Variants in CSAG3 observed in about 807,000 individuals in gnomAD.
CSAG3 encodes the protein chondrosarcoma-associated gene 2/3 protein.
For missense variants in CSAG3, 15 were observed against 93.0 expected (o/e 0.16, Z 3.45); for synonymous variants, 4 against 34.0 (o/e 0.12, Z 3.07).
upstream of CSAG3, chrX:152,758,829 T>TTCTCTCTCTCTCTC (rs1170908672): frequency 1.4e-4 from 7 of 50,646 alleles, no homozygotes; most frequent in Non-Finnish European, 1.8e-4. Context: ...CTCTCTCTCT[T>TTCTCTCTCTCTCTC]TCTCTCTCTC....
upstream of CSAG3, among the ~76,000 whole-genome samples, chrX:152,757,621 ATATG>A (rs1411778879): frequency 3.1e-3 from 138 of 44,848 alleles, 6 homozygotes; most frequent in African/African-American, 0.012. Flanking sequence ...ATATATATAT[ATATG>A]TATATATATA....
At chrX:152,758,684 T>C (rs1393873006), upstream of CSAG3, among the ~76,000 whole-genome samples, 66 of 43,203 alleles carry the variant, frequency 1.5e-3, no homozygotes, top group African/African-American at 5.5e-3. Context: ...GAGATGAGGC[T>C]TCTAGGGAAG....
chrX:152,758,970 C>G (rs1932613968), upstream of CSAG3: 1 of 123,050 alleles, frequency 8.1e-6, no homozygotes, highest in Non-Finnish European at 1.5e-5. Context: ...AAGGCCATCA[C>G]CAGAAGCCAA....
upstream of CSAG3, chrX:152,758,828 T>TG: frequency 1.8e-5 from 1 of 54,130 alleles, no homozygotes; most frequent in Non-Finnish European, 3.4e-5. Flanking sequence ...TCTCTCTCTC[T>TG]TTCTCTCTCT....
upstream of CSAG3, chrX:152,758,829 T>C (rs1231809056): frequency 0.042 from 2,083 of 49,639 alleles, 25 homozygotes; most frequent in African/African-American, 0.077. Flanking sequence ...CTCTCTCTCT[T>C]TCTCTCTCTC....
upstream of CSAG3, chrX:152,758,829 TTCTCTCTCTCTCTC>T (rs1170908672): frequency 0.016 from 796 of 50,624 alleles, 11 homozygotes; most frequent in African/African-American, 0.051. Context: ...CTCTCTCTCT[TTCTCTCTCTCTCTC>T]TCTCTCTCTC....
chrX:152,758,855 C>T (rs1932608556), upstream of CSAG3: 23 of 93,538 alleles, frequency 2.5e-4, no homozygotes, highest in African/African-American at 8.3e-4. Flanking sequence ...CTCTCTCTCT[C>T]TCTCTCTCTC....
upstream of CSAG3, among the ~76,000 whole-genome samples, chrX:152,757,606 TA>T (rs1932585991): frequency 6.4e-4 from 26 of 40,486 alleles, 4 homozygotes; most frequent in African/African-American, 3.4e-3. Flanking sequence ...AATGTCTGGT[TA>T]TATATATATA....
chrX:152,758,873 CTCTT>C (rs1344182451), upstream of CSAG3: 23 of 79,290 alleles, frequency 2.9e-4, no homozygotes, highest in African/African-American at 1.1e-3. Flanking sequence ...CTCTCTCTCT[CTCTT>C]TCTTTCTCTC....
upstream of CSAG3, among the ~76,000 whole-genome samples, chrX:152,758,666 T>A (rs1299667501): frequency 1.2e-4 from 5 of 41,932 alleles, no homozygotes; most frequent in African/African-American, 4.6e-4. Flanking sequence ...CCAGGGTGTC[T>A]GTATTTGGAG....
chrX:152,759,121 A>G (rs1932617105), upstream of CSAG3: 1 of 262,253 alleles, frequency 3.8e-6, no homozygotes, highest in Admixed American at 5.6e-5. Flanking sequence ...AGGTGACACA[A>G]TTTTTTTTTT....
exon 2 of CSAG3, chrX:152,759,881 A>C: frequency 4.1e-6 from 5 of 1,205,472 alleles, no homozygotes; most frequent in Non-Finnish European, 5.6e-6. Flanking sequence ...GGACCCATCA[A>C]GGAAGTTCCA....
chrX:152,755,526 C>G (rs1474039701), upstream of CSAG3, among the ~76,000 whole-genome samples: 1 of 113,587 alleles, frequency 8.8e-6, no homozygotes, highest in Middle Eastern at 4.2e-3. Flanking sequence ...TTCTGAAGGC[C>G]GATGCACTTG....
chrX:152,757,608 TATATATATA>T (rs1932586249), upstream of CSAG3, among the ~76,000 whole-genome samples: 1 of 43,825 alleles, frequency 2.3e-5, no homozygotes, highest in African/African-American at 1.4e-4. Flanking sequence ...TGTCTGGTTA[TATATATATA>T]TATATATGTA....
At chrX:152,758,829 T>G (rs1231809056), upstream of CSAG3, 6 of 50,650 alleles carry the variant, frequency 1.2e-4, no homozygotes, top group African/African-American at 4.3e-4. Context: ...CTCTCTCTCT[T>G]TCTCTCTCTC....
upstream of CSAG3, among the ~76,000 whole-genome samples, chrX:152,755,449 GTAGT>G (rs1315580472): frequency 1.8e-5 from 2 of 112,074 alleles, no homozygotes; most frequent in Non-Finnish European, 3.8e-5. Flanking sequence ...ATCAATTGTT[GTAGT>G]TAGTTATTGC....
chrX:152,757,580 A>ATTGAG (rs1286295214), upstream of CSAG3, among the ~76,000 whole-genome samples: 1 of 41,710 alleles, frequency 2.4e-5, no homozygotes, highest in Non-Finnish European at 3.8e-5. Context: ...ATTCCTTTTC[A>ATTGAG]TTGAGGAGTA....
upstream of CSAG3, among the ~76,000 whole-genome samples, chrX:152,757,613 ATATATATATATG>A (rs1322832405): frequency 8.1e-4 from 36 of 44,713 alleles, 3 homozygotes; most frequent in African/African-American, 3.1e-3. Context: ...GGTTATATAT[ATATATATATATG>A]TATATATATA....
chrX:152,758,877 T>TCTCTCTCTCTCTCTCTCTCTC (rs1375603795), upstream of CSAG3: 21 of 50,204 alleles, frequency 4.2e-4, 1 homozygote, highest in African/African-American at 1.7e-3. Flanking sequence ...CTCTCTCTCT[T>TCTCTCTCTCTCTCTCTCTCTC]TCTTTCTCTC....
Sources: gnomAD v4.1 joint callset for allele counts (sites outside exome capture counted in the v4.1 genomes callset) on GRCh38, gnomAD v4.1.1 for gene constraint, MANE v1.5 for transcripts, NCBI Gene and HGNC (gene_info 2026-07-23, HGNC 2026-07-21) for gene names.